Variants in NNT observed in about 807,000 individuals in gnomAD.
NNT encodes the protein nicotinamide nucleotide transhydrogenase.
A neutral mutation model predicts 104.8 loss-of-function variants in NNT; 50 were observed. The observed-to-expected ratio is 0.48, with a 90% CI of 0.38 to 0.60. The LOEUF (loss-of-function observed/expected upper bound fraction) is 0.60. Ranked by LOEUF, NNT falls within the 20% of genes least tolerant of loss-of-function variation. The pLI is 0.00. For synonymous variants in NNT, 461 were observed against 490.4 expected, an observed-to-expected ratio of 0.94 and a Z score of 0.79; for missense variants, 1,131 against 1,330.7, an observed-to-expected ratio of 0.85 and a Z score of 2.33.
intron 16 of NNT, among the ~76,000 whole-genome samples, chr5:43,658,397 C>T (rs778320011): frequency 1.1e-4 from 16 of 152,020 alleles, no homozygotes; most frequent in Non-Finnish European, 1.3e-4. Context: ...TTAGTAATTT[C>T]GAGTTGTATC....
intron 19 of NNT, among the ~76,000 whole-genome samples, chr5:43,698,238 G>T (rs143472266): frequency 4.6e-5 from 7 of 150,868 alleles, no homozygotes; most frequent in Admixed American, 1.3e-4. Flanking sequence ...CTCAAATAAC[G>T]TCATTTTGTT....
At chr5:43,640,693 T>A (rs1279934678) in intron 7 of NNT, among the ~76,000 whole-genome samples, 76 of 151,958 alleles carry the variant, frequency 5.0e-4, no homozygotes, top group Non-Finnish European at 1.3e-4. Context: ...TTTATTGAAT[T>A]TTCCATTTGT....
In NNT at chr5:43,704,323, T is replaced by C; in HGVS notation, c.3180T>C (p.Pro1060=). Residue 1060 remains proline (P), a synonymous_variant, in exon 22 of 22, where the codon CCT becomes CCC. Coordinates refer to ENST00000344920, the MANE Select transcript of NNT (RefSeq NM_182977.3). Reference sequence around the variant, plus strand: ...TGGACAATCCAATCTTCTACAAACCTAACACGGCCATGCTTCTAGGTGATG... The same window carrying C: ...TGGACAATCCAATCTTCTACAAACCCAACACGGCCATGCTTCTAGGTGATG... ...AAVDNPIFYK[P]NTAMLLGDAK... is the part of the protein sequence containing the mutation. 1 of 1,612,380 alleles carries C rather than the reference T, an allele frequency of 6.2e-7. No homozygotes were observed. Among genetic ancestry groups the C allele is most frequent in the Non-Finnish European group, 8.5e-7 (1 of 1,179,210 alleles).
intron 19 of NNT, among the ~76,000 whole-genome samples, chr5:43,678,042 T>A (rs1354302351): frequency 6.6e-6 from 1 of 152,174 alleles, no homozygotes; most frequent in Non-Finnish European, 1.5e-5. Context: ...ATTTTGTATA[T>A]TATATGTATT....
At chr5:43,620,314 G>T (rs1370421744) in intron 5 of NNT, among the ~76,000 whole-genome samples, 1 of 151,976 alleles carries the variant, frequency 6.6e-6, no homozygotes, top group African/African-American at 2.4e-5. Flanking sequence ...CCACCTCCCG[G>T]GTTCATGCCA....
intron 7 of NNT, among the ~76,000 whole-genome samples, chr5:43,628,851 T>A (rs1750514470): frequency 6.6e-6 from 1 of 152,148 alleles, no homozygotes; most frequent in East Asian, 1.9e-4. Flanking sequence ...TCTCCCAAAG[T>A]GCTGGGATTA....
At chr5:43,676,282 A>G (rs1356325002) in intron 18 of NNT, among the ~76,000 whole-genome samples, 2 of 152,168 alleles carry the variant, frequency 1.3e-5, no homozygotes, top group African/African-American at 2.4e-5. Context: ...TTATCACAGG[A>G]TGCTGTGGTA....
intron 19 of NNT, among the ~76,000 whole-genome samples, chr5:43,688,140 A>G (rs1742077830): frequency 6.6e-6 from 1 of 152,108 alleles, no homozygotes; most frequent in Non-Finnish European, 1.5e-5. Context: ...CCTAATGACT[A>G]TTTTACCTTA....
intron 19 of NNT, among the ~76,000 whole-genome samples, chr5:43,685,844 T>G (rs958177501): frequency 6.6e-6 from 1 of 152,116 alleles, no homozygotes; most frequent in Admixed American, 6.6e-5. Flanking sequence ...AAACTTCTGT[T>G]GTTGTGTCCC....
In NNT at chr5:43,650,457, T is replaced by G; in HGVS notation, c.1607-20T>G. On this transcript the variant is annotated intron_variant, in intron 11 of 21. Transcript: ENST00000344920. ...GTGGTGTCACTATCACTATTAACCA[T>G]GTTAATGCTTTCTTTCTAGGGCTGA... The G allele has an allele frequency of 1.9e-6, 3 of 1,558,268 alleles. No homozygotes were observed. Among genetic ancestry groups the G allele is most frequent in the Non-Finnish European group, 1.8e-6 (2 of 1,129,210 alleles).
Position 43,707,071 on chromosome 5 carries a change from T to C in NNT, c.*2667T>C, listed in dbSNP as rs1743113610. On this transcript the variant is annotated 3_prime_UTR_variant, in exon 22 of 22. Transcript: ENST00000344920. Reference sequence around the variant, plus strand: ...CCAACATGGCACATGTATACATATGTAGCAAACCTGCACGTTGTGCACATG... The same window carrying C: ...CCAACATGGCACATGTATACATATGCAGCAAACCTGCACGTTGTGCACATG... The C allele has an allele frequency of 6.6e-6, 1 of 151,882 alleles. No homozygotes were observed. Among genetic ancestry groups the C allele is most frequent in the Admixed American group, 6.6e-5 (1 of 15,254 alleles). The allele number at this position is 151,882 out of a possible 1,614,324, so 9.4% of individuals were successfully genotyped here.
chr5:43,701,990 T>C (rs1742874401), intron 20 of NNT, among the ~76,000 whole-genome samples: 1 of 152,136 alleles, frequency 6.6e-6, no homozygotes, highest in Non-Finnish European at 1.5e-5. Context: ...AAGTTCCTTA[T>C]AGATTCCGGA....
At chr5:43,621,879 G>T (rs1157475001) in intron 5 of NNT, among the ~76,000 whole-genome samples, 2 of 152,230 alleles carry the variant, frequency 1.3e-5, no homozygotes, top group African/African-American at 4.8e-5. Context: ...CCAGTATTTA[G>T]GTTCTGGAAA....
chr5:43,648,874 G>C (rs1739597019), intron 10 of NNT, among the ~76,000 whole-genome samples: 1 of 152,140 alleles, frequency 6.6e-6, no homozygotes, highest in African/African-American at 2.4e-5. Flanking sequence ...ACTACACAGA[G>C]GAAAATGTGC....
intron 19 of NNT, among the ~76,000 whole-genome samples, chr5:43,696,768 G>A (rs1019981795): frequency 1.3e-5 from 2 of 152,200 alleles, no homozygotes; most frequent in African/African-American, 2.4e-5. Flanking sequence ...AAGCTACCAA[G>A]GCTTGGGGCT....
At chr5:43,661,484 T>C (rs1053894247) in intron 17 of NNT, among the ~76,000 whole-genome samples, 3 of 151,648 alleles carry the variant, frequency 2.0e-5, no homozygotes, top group African/African-American at 7.3e-5. Context: ...TATGTATACA[T>C]GTGCTATGCT....
chr5:43,702,577 A>G, intron 20 of NNT, 44 bp from the exon 21 acceptor site: 1 of 1,193,256 alleles, frequency 8.4e-7, no homozygotes. Flanking sequence ...TGTAAAAGTG[A>G]CCATTTGAGT....
chr5:43,641,227 T>C (rs1003011537), intron 7 of NNT, among the ~76,000 whole-genome samples: 2 of 152,130 alleles, frequency 1.3e-5, no homozygotes, highest in Non-Finnish European at 2.9e-5. Context: ...TCTGGACTTA[T>C]TCTTTTGGGG....
In NNT at chr5:43,665,961, C is replaced by T. The variant is rs369814818; in HGVS notation, c.2634+6611C>T. 9.2e-4 allele frequency among the ~76,000 whole-genome samples: 140 copies of T among 151,426 alleles called. 1 individual carries two copies. The East Asian group carries it at 0.02, about 22-fold the overall frequency. ...GCTCCTCAGTTCCCAGACGGGGTCG[C>T]GCCCCGGCAGAGGCGCTCTTCACAT... On this transcript the variant is annotated intron_variant, in intron 17 of 21. Coordinates refer to ENST00000344920, the MANE Select transcript of NNT (RefSeq NM_182977.3).
Sources: gnomAD v4.1 joint callset for allele counts (sites outside exome capture counted in the v4.1 genomes callset) on GRCh38, gnomAD v4.1.1 for gene constraint, MANE v1.5 for transcripts, NCBI Gene and HGNC (gene_info 2026-07-23, HGNC 2026-07-21) for gene names.